The following WDR41 variants were observed in gnomAD, a reference collection of about 807,000 sequenced individuals.
WDR41 encodes the protein WD repeat domain 41.
WDR41 carries 63 observed loss-of-function variants against 69.3 expected under a neutral mutation model. That is an observed-to-expected ratio of 0.91 (90% CI 0.74 to 1.12). WDR41 has a LOEUF of 1.12. Ranked by LOEUF, WDR41 falls within the 50% of genes most tolerant of loss-of-function variation. The pLI, the probability that WDR41 is intolerant of heterozygous loss-of-function variation, is 0.00. For missense variants in WDR41, 543 were observed against 534.5 expected (o/e 1.02, Z -0.16); for synonymous variants, 185 against 192.1 (o/e 0.96, Z 0.31).
chr5:77,551,633 G>A (rs577354651), intron 1 of WDR41, among the ~76,000 whole-genome samples: 1 of 152,104 alleles, frequency 6.6e-6, no homozygotes, highest in East Asian at 1.9e-4. Context: ...AGCTGAGATT[G>A]CACCACTGCA....
At chr5:77,541,487 C>CTTTTTTTTTTTTT in intron 1 of WDR41, among the ~76,000 whole-genome samples, 1 of 97,828 alleles carries the variant, frequency 1.0e-5, no homozygotes, top group Non-Finnish European at 2.0e-5. Flanking sequence ...AAAAGGAATT[C>CTTTTTTTTTTTTT]TTTTTTTTTT....
Position 77,449,047 on chromosome 5 carries a change from C to T in WDR41, c.697+713G>A, listed in dbSNP as rs562811567. ...AAACTGAAGCCACCAAAAGCCCTCT[C>T]ATGTGACTTCATACACAGATCACCC... is the stretch of plus-strand genomic sequence containing the variant. On this transcript the variant is annotated intron_variant, in intron 8 of 12. Coordinates refer to ENST00000296679, the MANE Select transcript of WDR41 (RefSeq NM_018268.4). 3.9e-5 allele frequency among the ~76,000 whole-genome samples: 6 copies of T among 152,278 alleles called. No individual in the cohort carries two copies. The South Asian group carries it at 1.0e-3, about 26-fold the overall frequency.
rs137914916 is a variant in WDR41, at chr5:77,583,275, G to A, written c.42+37204C>T. 9.2e-5 allele frequency among the ~76,000 whole-genome samples: 14 copies of A among 152,070 alleles called. No homozygotes were observed. The East Asian group carries it at 2.7e-3, about 29-fold the overall frequency. ...CGTCCCTGTTATCTCAACATTTTAGGAGGGCAAGGTGGGTGGAAAACTTGA... is the reference window on the plus strand; with the variant it reads ...CGTCCCTGTTATCTCAACATTTTAGAAGGGCAAGGTGGGTGGAAAACTTGA... On this transcript the variant is annotated intron_variant, in intron 1 of 5. Transcript: ENST00000509971.
chr5:77,571,516 G>A (rs1743731910), intron 1 of WDR41, among the ~76,000 whole-genome samples: 1 of 152,112 alleles, frequency 6.6e-6, no homozygotes, highest in African/African-American at 2.4e-5. Flanking sequence ...TCAGGTTGCT[G>A]CACTCCCAAG....
chr5:77,541,485 T>C (rs934836439), intron 1 of WDR41, among the ~76,000 whole-genome samples: 36 of 143,348 alleles, frequency 2.5e-4, no homozygotes, highest in African/African-American at 9.0e-4. Context: ...GTAAAAGGAA[T>C]TCTTTTTTTT....
intron 2 of WDR41, 83 bp from the exon 3 acceptor site, chr5:77,464,892 T>TCAAAATACCACTAATAA: frequency 2.9e-6 from 4 of 1,398,584 alleles, no homozygotes; most frequent in Non-Finnish European, 4.0e-6. Context: ...ACCTTATTAG[T>TCAAAATACCACTAATAA]GGTATTTTGA....
chr5:77,441,105 C>A, intron 8 of WDR41, 108 bp from the exon 9 acceptor site: 1 of 1,180,226 alleles, frequency 8.5e-7, no homozygotes, highest in Non-Finnish European at 1.1e-6. Flanking sequence ...GTAATTAGAA[C>A]AGTGAGGTAC....
intron 1 of WDR41, among the ~76,000 whole-genome samples, chr5:77,584,533 ATAAAT>A (rs1744003008): frequency 2.0e-5 from 3 of 152,314 alleles, no homozygotes; most frequent in Admixed American, 2.0e-4. Flanking sequence ...AAGAAGACAA[ATAAAT>A]TTAAGAAGAC....
chr5:77,532,146 G>A (rs573742225), intron 1 of WDR41, among the ~76,000 whole-genome samples: 1 of 152,072 alleles, frequency 6.6e-6, no homozygotes, highest in East Asian at 1.9e-4. Context: ...TTTAAAAATG[G>A]AACAAGGGAG....
intron 1 of WDR41, among the ~76,000 whole-genome samples, chr5:77,544,493 A>G (rs1369006975): frequency 6.6e-6 from 1 of 152,130 alleles, no homozygotes; most frequent in East Asian, 1.9e-4. Context: ...AAGCAAAGGG[A>G]CAATGAAAGC....
intron 1 of WDR41, among the ~76,000 whole-genome samples, chr5:77,503,352 A>G (rs778523034): frequency 8.5e-5 from 13 of 152,176 alleles, no homozygotes; most frequent in Non-Finnish European, 1.8e-4. Flanking sequence ...TGCACCCAAT[A>G]CAGGAGGACC....
In WDR41 at chr5:77,451,348, T is replaced by C. The variant is rs1252559183; in HGVS notation, c.529A>G (p.Ser177Gly). The change falls in exon 7 of 13, where the codon AGT becomes GGT. Residue 177 changes from serine (S) to glycine (G), a missense_variant. Coordinates refer to ENST00000296679, the MANE Select transcript of WDR41 (RefSeq NM_018268.4). ...TTCTTAGGTATTTCAACCAAAGCAC[T>C]AATACCTCCAAAAACATATAAAACA... is the stretch of plus-strand genomic sequence containing the variant. ...KTSHLSDTGISALVEIPKNCV... is the reference protein window; with the variant it reads ...KTSHLSDTGIGALVEIPKNCV... 6.2e-7 allele frequency: 1 copy of C among 1,613,394 alleles called. No individual in the cohort carries two copies. Among genetic ancestry groups the C allele is most frequent in the South Asian group, 1.1e-5 (1 of 91,008 alleles).
At chr5:77,509,275 C>T (rs1802160105) in intron 1 of WDR41, among the ~76,000 whole-genome samples, 2 of 152,086 alleles carry the variant, frequency 1.3e-5, no homozygotes, top group African/African-American at 2.4e-5. Context: ...ACAGCTGTCA[C>T]CCTGGGGTTT....
At chr5:77,464,128 T>C (rs891612775) in intron 3 of WDR41, among the ~76,000 whole-genome samples, 15 of 152,146 alleles carry the variant, frequency 9.9e-5, no homozygotes, top group African/African-American at 3.6e-4. Context: ...AAAGAAAACT[T>C]GTGTGTCTCA....
chr5:77,539,415 G>A (rs1743048011), intron 1 of WDR41, among the ~76,000 whole-genome samples: 1 of 152,254 alleles, frequency 6.6e-6, no homozygotes, highest in Non-Finnish European at 1.5e-5. Context: ...GGCAGATCTT[G>A]TTAAAATGTA....
chr5:77,524,758 T>C (rs558972624), intron 1 of WDR41, among the ~76,000 whole-genome samples: 1 of 152,338 alleles, frequency 6.6e-6, no homozygotes, highest in South Asian at 2.1e-4. Flanking sequence ...GTTGGCATCC[T>C]CACAGGTTAT....
chr5:77,445,806 A>T (rs1332799259), intron 8 of WDR41, among the ~76,000 whole-genome samples: 1 of 152,234 alleles, frequency 6.6e-6, no homozygotes, highest in East Asian at 1.9e-4. Flanking sequence ...TAAGAAACCC[A>T]CAGCCAATAT....
chr5:77,597,357 G>A (rs908213837), intron 1 of WDR41, among the ~76,000 whole-genome samples: 1 of 152,146 alleles, frequency 6.6e-6, no homozygotes, highest in South Asian at 2.1e-4. Context: ...ATTAATGAGT[G>A]TTTAATTCAT....
intron 8 of WDR41, among the ~76,000 whole-genome samples, chr5:77,442,766 C>G (rs1210045349): frequency 6.6e-6 from 1 of 151,312 alleles, no homozygotes; most frequent in Non-Finnish European, 1.5e-5. Context: ...GTGGTGGGCG[C>G]CTGTAGTCCC....
Sources: gnomAD v4.1 joint callset for allele counts (sites outside exome capture counted in the v4.1 genomes callset) on GRCh38, gnomAD v4.1.1 for gene constraint, MANE v1.5 for transcripts, NCBI Gene and HGNC (gene_info 2026-07-23, HGNC 2026-07-21) for gene names.